Variants in HLCS observed in about 807,000 individuals in gnomAD.
The protein encoded by HLCS is holocarboxylase synthetase, also known as biotin--protein ligase.
In HLCS, 53 loss-of-function variants were observed where a neutral mutation model predicts 75.0. The ratio of observed to expected loss-of-function variants is 0.71; its 90% CI spans 0.57 to 0.89. HLCS has a LOEUF of 0.89. Ranked by LOEUF, HLCS falls within the 40% of genes least tolerant of loss-of-function variation. The probability of loss-of-function intolerance (pLI) is 0.00; values close to 1 mark genes in which losing one functional copy is unlikely to be tolerated. For synonymous variants in HLCS, 431 were observed against 428.6 expected, an observed-to-expected ratio of 1.01 and a Z score of -0.07; for missense variants, 966 against 1,074.0, an observed-to-expected ratio of 0.90 and a Z score of 1.41.
rs147474255 is a variant in HLCS at position 36,754,253 on chromosome 21, C to T, written c.2615G>A (p.Arg872Gln). Residue 872 changes from arginine (R) to glutamine (Q), a missense_variant, in exon 11 of 11, where the codon CGG becomes CAG. Transcript: ENST00000674895. ...TCTCGGGGACGCCCGGCATTACCGC[C>T]GTTTGGGGAGGATGAGGTTTCTCAG... is the stretch of plus-strand genomic sequence containing the variant. ...DMLRNLILPK[R>Q]R 441 of 1,613,964 alleles carry T rather than the reference C, an allele frequency of 2.7e-4. 1 individual carries two copies. In the Middle Eastern group the frequency reaches 4.3e-3, roughly 16 times the overall value.
At chr21:36,879,122 A>C (rs55883221) in intron 6 of HLCS, among the ~76,000 whole-genome samples, 1 of 152,302 alleles carries the variant, frequency 6.6e-6, no homozygotes, top group African/African-American at 2.4e-5. Context: ...ATATCTCTTG[A>C]ACAAAAATAA....
At chr21:36,847,061 C>T (rs1224759253) in intron 6 of HLCS, among the ~76,000 whole-genome samples, 1 of 152,140 alleles carries the variant, frequency 6.6e-6, no homozygotes, top group African/African-American at 2.4e-5. Context: ...TAAAATCTCT[C>T]CTTTTGTAAA....
At chr21:36,924,660 C>T (rs963967477) in intron 5 of HLCS, among the ~76,000 whole-genome samples, 1 of 152,194 alleles carries the variant, frequency 6.6e-6, no homozygotes, top group Admixed American at 6.5e-5. Context: ...CCGCCCTGCC[C>T]TACTTATCAG....
In HLCS at chr21:36,897,037, G is replaced by C. The variant is rs143463463; in HGVS notation, c.1715C>G (p.Ser572Cys). The C allele has an allele frequency of 1.2e-6, 2 of 1,614,022 alleles. No individual in the cohort carries two copies. The highest frequency in any genetic ancestry group is 2.7e-5 in the African/African-American group (2 of 74,928). The change falls in exon 6 of 11, where the codon TCC becomes TGC. Residue 572 changes from serine (S) to cysteine (C), a missense_variant. Coordinates refer to ENST00000674895, the MANE Select transcript of HLCS (RefSeq NM_001352514.2). ...SGQLSLRFVS[S>C]YVSEVEITPS... is the part of the protein sequence containing the mutation. ...GGTTATTTCTACTTCAGACACGTAG[G>C]ATGAAACAAATCTAAGAGAGAGCTG...
intron 1 of HLCS, among the ~76,000 whole-genome samples, chr21:36,986,130 G>A (rs2069224861): frequency 6.6e-6 from 1 of 152,092 alleles, no homozygotes; most frequent in Non-Finnish European, 1.5e-5. Context: ...GCGGGAGTGG[G>A]CTCCTGATAA....
At chr21:36,912,386 A>G (rs1334256029) in intron 5 of HLCS, among the ~76,000 whole-genome samples, 1 of 152,180 alleles carries the variant, frequency 6.6e-6, no homozygotes, top group Non-Finnish European at 1.5e-5. Context: ...TAAAAGCCAG[A>G]CACAAAAGGA....
rs891735882 is a variant in HLCS at position 36,956,449 on chromosome 21, C to T, written c.330+5587G>A. Among the ~76,000 whole-genome samples the T allele has an allele frequency of 4.4e-4, 67 of 152,298 alleles. 1 individual carries two copies. The highest frequency in any genetic ancestry group is 3.1e-3 in the East Asian group (16 of 5,182). On this transcript the variant is annotated intron_variant, in intron 2 of 10. Transcript: ENST00000674895. ...ATTTTAAGATATTTGAGTTTGTAGG[C>T]CAGGTGTGGTGGCTCACACTTGTAA...
intron 6 of HLCS, among the ~76,000 whole-genome samples, chr21:36,789,723 C>T (rs766015340): frequency 1.3e-5 from 2 of 152,212 alleles, no homozygotes. Flanking sequence ...ATTTTCTAGT[C>T]CTTTCTCAAA....
In HLCS at chr21:36,770,310, C is replaced by T. The variant is rs549471863; in HGVS notation, c.1893-3025G>A. On this transcript the variant is annotated intron_variant, in intron 6 of 10. Transcript: ENST00000674895. Reference sequence around the variant, plus strand: ...TACAGGTGTGCACCACCATGCCCAACAAATTTTTGTATTTTTAGTAGAGAC... The same window carrying T: ...TACAGGTGTGCACCACCATGCCCAATAAATTTTTGTATTTTTAGTAGAGAC... Among the ~76,000 whole-genome samples the T allele has an allele frequency of 5.3e-5, 8 of 152,120 alleles. 1 individual carries two copies. Among genetic ancestry groups the T allele is most frequent in the Admixed American group, 3.3e-4 (5 of 15,280 alleles).
chr21:36,874,971 C>G (rs1466149925), intron 6 of HLCS, among the ~76,000 whole-genome samples: 2 of 152,222 alleles, frequency 1.3e-5, no homozygotes, highest in Admixed American at 1.3e-4. Flanking sequence ...AAGTTGTAGC[C>G]AAGCGCGGGT....
At chr21:36,980,025 T>C (rs374006467) in intron 1 of HLCS, among the ~76,000 whole-genome samples, 966 of 12,804 alleles carry the variant, frequency 0.075, 23 homozygotes, top group African/African-American at 0.24. Flanking sequence ...AGTCCCCATC[T>C]CAAAAAAAAA....
chr21:36,985,719 T>C (rs2069216259), intron 1 of HLCS, among the ~76,000 whole-genome samples: 1 of 150,914 alleles, frequency 6.6e-6, no homozygotes, highest in Admixed American at 6.6e-5. Flanking sequence ...TGAGCCAAGA[T>C]CGGGCCACTG....
intron 6 of HLCS, among the ~76,000 whole-genome samples, chr21:36,810,533 G>A (rs1274585330): frequency 6.6e-6 from 1 of 152,182 alleles, no homozygotes; most frequent in African/African-American, 2.4e-5. Flanking sequence ...TCCCAACGAG[G>A]TTCTCCCACC....
At chr21:36,970,377 C>T (rs2068752715), upstream of HLCS, among the ~76,000 whole-genome samples, 1 of 152,130 alleles carries the variant, frequency 6.6e-6, no homozygotes, top group South Asian at 2.1e-4. Context: ...GGATTACAGG[C>T]ATGAGCCACC....
Position 36,959,990 on chromosome 21 carries a change from C to G in HLCS, c.330+2046G>C, listed in dbSNP as rs577733923. Among the ~76,000 whole-genome samples, 11 of 152,312 alleles carry G rather than the reference C, an allele frequency of 7.2e-5. No individual in the cohort carries two copies. In the South Asian group the frequency reaches 2.3e-3, roughly 32 times the overall value. On this transcript the variant is annotated intron_variant, in intron 2 of 10. Transcript: ENST00000674895. ...GGGCTCCCCAAGCCAAGGCTGTAAA[C>G]ACCCTCTTTGGGGCTCTGCGGTTCC... is the stretch of plus-strand genomic sequence containing the variant.
rs1275196764 is a variant in HLCS at position 36,749,529 on chromosome 21, C to T, written c.*4717G>A. ...CCCTACAGGGTGTCTGTCAGTGGGC[C>T]TCATGGTAAGAGTCACAATTTGCAA... On this transcript the variant is annotated 3_prime_UTR_variant, in exon 11 of 11. Transcript: ENST00000674895. The T allele has an allele frequency of 6.6e-6, 1 of 151,082 alleles. No individual in the cohort carries two copies. Among genetic ancestry groups the T allele is most frequent in the Non-Finnish European group, 1.5e-5 (1 of 67,944 alleles). 9.4% of individuals were successfully genotyped at this position (151,082 alleles called of 1,614,324 possible). A position where few individuals can be genotyped will look rare whatever the true frequency, so the allele number is the denominator to read the frequency against.
chr21:36,946,296 G>C (rs529318959), intron 2 of HLCS: 1 of 155,716 alleles, frequency 6.4e-6, no homozygotes, highest in Admixed American at 6.6e-5. Context: ...ACCCAGGCTG[G>C]AGTGGTGCAG....
In HLCS at chr21:36,821,572, C is replaced by T. The variant is rs146365406; in HGVS notation, c.1893-54287G>A. On this transcript the variant is annotated intron_variant, in intron 6 of 10. Transcript: ENST00000674895. The stretch of plus-strand genomic sequence containing the variant: ...AAACCTCCTGCTCTGCGCTTTGCTC[C>T]GGCAGTGATCTCAATGACAGGATTT... Among the ~76,000 whole-genome samples, 1,128 of 152,338 alleles carry T rather than the reference C, an allele frequency of 7.4e-3. 7 individuals are homozygous for T. The highest frequency in any genetic ancestry group is 0.02 in the African/African-American group (824 of 41,574).
In HLCS at chr21:36,954,833, C is replaced by A. The variant is rs375300301; in HGVS notation, c.330+7203G>T. Among the ~76,000 whole-genome samples the A allele has an allele frequency of 1.9e-3, 288 of 152,054 alleles. 3 individuals are homozygous for A. The highest frequency in any genetic ancestry group is 6.7e-3 in the African/African-American group (278 of 41,486). ...ATCCCAGCACTTTGGGAGGCCGAGG[C>A]GGGGGGATCACTTGAGGTCAAGGGT... On this transcript the variant is annotated intron_variant, in intron 2 of 10. Transcript: ENST00000674895.
Sources: gnomAD v4.1 joint callset for allele counts (sites outside exome capture counted in the v4.1 genomes callset) on GRCh38, gnomAD v4.1.1 for gene constraint, MANE v1.5 for transcripts, NCBI Gene and HGNC (gene_info 2026-07-23, HGNC 2026-07-21) for gene names.